Variants in XRCC4 observed in about 807,000 individuals in gnomAD.
The protein encoded by XRCC4 is X-ray repair cross complementing 4.
Under a neutral mutation model 39.1 loss-of-function variants are expected in XRCC4, and 28 were observed. That is an observed-to-expected ratio of 0.72 (90% CI 0.53 to 0.98). XRCC4 has a LOEUF of 0.98. XRCC4 is among the 50% of genes least tolerant of loss of function. The probability of loss-of-function intolerance (pLI) is 0.00; values close to 1 mark genes in which losing one functional copy is unlikely to be tolerated. For missense variants in XRCC4, 350 were observed against 376.4 expected (o/e 0.93, Z 0.58); for synonymous variants, 123 against 126.4 (o/e 0.97, Z 0.18).
chr5:83,140,802 A>G (rs2112517283), intron 3 of XRCC4, among the ~76,000 whole-genome samples: 1 of 152,268 alleles, frequency 6.6e-6, no homozygotes, highest in Non-Finnish European at 1.5e-5. Context: ...TCTAGCTGGT[A>G]TTGATTAATT....
chr5:83,190,464 C>T (rs1018192539), intron 3 of XRCC4, among the ~76,000 whole-genome samples: 37 of 152,112 alleles, frequency 2.4e-4, no homozygotes, highest in East Asian at 5.8e-4. Context: ...TCTATCTGGC[C>T]GTTATGCACC....
chr5:83,347,463 A>G (rs1172660882), intron 7 of XRCC4, among the ~76,000 whole-genome samples: 1 of 152,170 alleles, frequency 6.6e-6, no homozygotes, highest in African/African-American at 2.4e-5. Flanking sequence ...ACATCTTCAC[A>G]TGACTGGCAG....
the XRCC4 span, among the ~76,000 whole-genome samples, chr5:83,359,578 C>A: frequency 6.6e-6 from 1 of 152,124 alleles, no homozygotes; most frequent in Non-Finnish European, 1.5e-5. Context: ...ATTTCTGGAC[C>A]AATTCTGATA....
chr5:83,162,057 CT>C (rs1400158405), intron 3 of XRCC4, among the ~76,000 whole-genome samples: 1 of 152,046 alleles, frequency 6.6e-6, no homozygotes. Flanking sequence ...GTCCCAGCTA[CT>C]CGGGAGGCTG....
intron 7 of XRCC4, among the ~76,000 whole-genome samples, chr5:83,292,402 A>G (rs1754950609): frequency 6.6e-6 from 1 of 151,972 alleles, no homozygotes; most frequent in Admixed American, 6.6e-5. Flanking sequence ...GGGATTGACT[A>G]AATGTTTTTC....
rs74373750 is a variant in XRCC4, at chr5:83,094,884, C to CTTTTT, written c.-10-10011_-10-10007dup. On this transcript the variant is annotated intron_variant, in intron 1 of 7. Transcript: ENST00000396027. ...TTTTTAATAAGGATTATTCTGAAATCTTTTTTTTTTTTTTTTTTTACCATT... is the reference window on the plus strand; with the variant it reads ...TTTTTAATAAGGATTATTCTGAAATCTTTTTTTTTTTTTTTTTTTTTTTTACCATT... Among the ~76,000 whole-genome samples the CTTTTT allele has an allele frequency of 8.5e-4, 109 of 127,952 alleles. No homozygotes were observed. The Middle Eastern group carries it at 0.012, about 14-fold the overall frequency. 83.9% of individuals were successfully genotyped at this position (127,952 alleles called of 152,430 possible).
chr5:83,362,884 G>A, the XRCC4 span, among the ~76,000 whole-genome samples: 2 of 152,206 alleles, frequency 1.3e-5, no homozygotes, highest in Admixed American at 6.5e-5. Context: ...GTTACCAACT[G>A]TGGTTAGAAG....
At chr5:83,315,574 T>C (rs565041280) in intron 7 of XRCC4, among the ~76,000 whole-genome samples, 38 of 152,272 alleles carry the variant, frequency 2.5e-4, no homozygotes, top group Middle Eastern at 3.4e-3. Flanking sequence ...AACTTTAAGT[T>C]GAAGCCAGTG....
intron 6 of XRCC4, among the ~76,000 whole-genome samples, chr5:83,235,349 A>G (rs1320519677): frequency 6.6e-6 from 1 of 151,186 alleles, no homozygotes; most frequent in South Asian, 2.1e-4. Flanking sequence ...AAAAAAAAAA[A>G]AAAAGAAAGA....
chr5:83,103,274 T>G (rs1348871496), intron 1 of XRCC4, among the ~76,000 whole-genome samples: 1 of 151,994 alleles, frequency 6.6e-6, no homozygotes, highest in African/African-American at 2.4e-5. Context: ...GAAGTTCTTG[T>G]GCAGTTGCAA....
In XRCC4 at chr5:83,185,463, AG is replaced by A. The variant is rs141925249; in HGVS notation, c.316-10306del. The stretch of plus-strand genomic sequence containing the variant: ...ATAAAACTTAATGAGTTTGTTGGTA[AG>A]TATACATGTGTGAAACCAGCATTTT... On this transcript the variant is annotated intron_variant, in intron 3 of 7. Transcript: ENST00000396027. 1.5e-3 allele frequency among the ~76,000 whole-genome samples: 224 copies of A among 150,198 alleles called. 1 individual carries two copies. Among genetic ancestry groups the A allele is most frequent in the African/African-American group, 5.4e-3 (222 of 41,012 alleles).
chr5:83,132,874 C>A (rs1295858483), intron 3 of XRCC4, among the ~76,000 whole-genome samples: 2 of 152,120 alleles, frequency 1.3e-5, no homozygotes. Flanking sequence ...TCATCTGAAG[C>A]CTTCTTCTCT....
chr5:83,277,063 A>G (rs1265818562), intron 7 of XRCC4, among the ~76,000 whole-genome samples: 1 of 111,060 alleles, frequency 9.0e-6, no homozygotes, highest in Non-Finnish European at 2.4e-5. Context: ...TATTGAACTC[A>G]TCTATCTATG....
At position 83,313,217 on chromosome 5, in the gene XRCC4, A is replaced by T. The variant is rs769111863; in HGVS notation, c.894-39914A>T. 8.6e-4 allele frequency among the ~76,000 whole-genome samples: 131 copies of T among 152,054 alleles called. 1 individual carries two copies. Among genetic ancestry groups the T allele is most frequent in the Non-Finnish European group, 1.4e-3 (95 of 67,974 alleles). On this transcript the variant is annotated intron_variant, in intron 7 of 7. Coordinates refer to ENST00000396027, the MANE Select transcript of XRCC4 (RefSeq NM_003401.5). ...TGCCTCTGAATCTTCTGTCCTAAAG[A>T]TTGCTGCTATTAACTTTCTTACGTA...
intron 7 of XRCC4, chr5:83,310,955 A>G: frequency 2.4e-6 from 1 of 421,594 alleles, no homozygotes; most frequent in Non-Finnish European, 4.7e-6. Flanking sequence ...CTTCCCTTCG[A>G]GCCTCCGGAG....
intron 1 of XRCC4, among the ~76,000 whole-genome samples, chr5:83,084,916 G>A (rs962198193): frequency 2.6e-5 from 4 of 152,066 alleles, no homozygotes; most frequent in Non-Finnish European, 4.4e-5. Context: ...AAAGGAAATC[G>A]ATTAGCTCTA....
At chr5:83,189,288 T>G (rs1029310348) in intron 3 of XRCC4, among the ~76,000 whole-genome samples, 1 of 151,830 alleles carries the variant, frequency 6.6e-6, no homozygotes, top group African/African-American at 2.4e-5. Context: ...GTTTTTTTCT[T>G]TTTTTTTGCT....
chr5:83,177,710 A>G (rs1383072183), intron 3 of XRCC4, among the ~76,000 whole-genome samples: 1 of 152,190 alleles, frequency 6.6e-6, no homozygotes, highest in Non-Finnish European at 1.5e-5. Context: ...GTGAAGATTC[A>G]GGTTGGAATG....
At chr5:83,337,569 T>C (rs1327896857) in intron 7 of XRCC4, among the ~76,000 whole-genome samples, 1 of 152,126 alleles carries the variant, frequency 6.6e-6, no homozygotes, top group Non-Finnish European at 1.5e-5. Context: ...CCACCAGATA[T>C]GAATGAAAGA....
Sources: gnomAD v4.1 joint callset for allele counts (sites outside exome capture counted in the v4.1 genomes callset) on GRCh38, gnomAD v4.1.1 for gene constraint, MANE v1.5 for transcripts, NCBI Gene and HGNC (gene_info 2026-07-23, HGNC 2026-07-21) for gene names.